UNC13C: variants seen among roughly 807,000 people sequenced by gnomAD.
UNC13C encodes the protein protein unc-13 homolog C.
UNC13C carries 174 observed loss-of-function variants against 245.4 expected under a neutral mutation model. That is an observed-to-expected ratio of 0.71 (90% CI 0.63 to 0.80). The LOEUF (loss-of-function observed/expected upper bound fraction) is 0.80, where lower values mean the gene tolerates loss of function less well. Ranked by LOEUF, UNC13C falls within the 30% of genes least tolerant of loss-of-function variation. The probability of loss-of-function intolerance (pLI) is 0.00; values close to 1 mark genes in which losing one functional copy is unlikely to be tolerated. For synonymous variants in UNC13C, 992 were observed against 895.1 expected, an observed-to-expected ratio of 1.11 and a Z score of -1.93; for missense variants, 2,829 against 2,602.9, an observed-to-expected ratio of 1.09 and a Z score of -1.89.
chr15:54,068,966 TA>T (rs1898196429), intron 2 of UNC13C, among the ~76,000 whole-genome samples: 1 of 152,190 alleles, frequency 6.6e-6, no homozygotes, highest in East Asian at 1.9e-4. Flanking sequence ...TAAGTCATAT[TA>T]AAAAGTTCAT....
Position 54,143,697 on chromosome 15 carries a change from A to G in UNC13C, c.3071+13A>G, listed in dbSNP as rs2032130453. 1 of 1,608,444 alleles carries G rather than the reference A, an allele frequency of 6.2e-7. No individual in the cohort carries two copies. The highest frequency in any genetic ancestry group is 1.1e-5 in the South Asian group (1 of 90,694). On this transcript the variant is annotated intron_variant, in intron 4 of 32. Transcript: ENST00000260323. ...AGGTGTGTGGTGGGTAAGTACCTTCATACCTTTCTAATTTATTCCATTCAT... is the reference window on the plus strand; with the variant it reads ...AGGTGTGTGGTGGGTAAGTACCTTCGTACCTTTCTAATTTATTCCATTCAT...
chr15:54,618,891 AC>A (rs1370256487), intron 30 of UNC13C, among the ~76,000 whole-genome samples: 3 of 152,172 alleles, frequency 2.0e-5, no homozygotes, highest in African/African-American at 7.2e-5. Context: ...TTCCACTGTG[AC>A]TTTTAAAGAC....
At chr15:53,905,687 C>T in the UNC13C span, among the ~76,000 whole-genome samples, 1 of 152,024 alleles carries the variant, frequency 6.6e-6, no homozygotes, top group Non-Finnish European at 1.5e-5. Flanking sequence ...TGAGTAAGTT[C>T]TGGAGCTCTA....
chr15:54,079,545 T>C (rs1166732790), intron 2 of UNC13C, among the ~76,000 whole-genome samples: 3 of 152,110 alleles, frequency 2.0e-5, no homozygotes, highest in East Asian at 3.9e-4. Context: ...GATGTATTCC[T>C]GGGTATTTTA....
intron 17 of UNC13C, among the ~76,000 whole-genome samples, chr15:54,385,607 A>G (rs994005329): frequency 9.9e-5 from 15 of 152,108 alleles, no homozygotes; most frequent in African/African-American, 3.1e-4. Context: ...ATAAAAATAT[A>G]GTTAGATACA....
At chr15:53,903,041 G>T in the UNC13C span, among the ~76,000 whole-genome samples, 10 of 152,136 alleles carry the variant, frequency 6.6e-5, no homozygotes, top group Admixed American at 2.0e-4. Flanking sequence ...TTTGGATTTT[G>T]ATCCTGTTTG....
At chr15:53,861,860 A>G in the UNC13C span, among the ~76,000 whole-genome samples, 1 of 152,116 alleles carries the variant, frequency 6.6e-6, no homozygotes, top group Non-Finnish European at 1.5e-5. Flanking sequence ...GTTTTGTATT[A>G]GTTGAAGTTC....
intron 4 of UNC13C, among the ~76,000 whole-genome samples, chr15:54,223,393 A>T (rs2035284850): frequency 6.6e-6 from 1 of 151,980 alleles, no homozygotes; most frequent in African/African-American, 2.4e-5. Flanking sequence ...TTGAAAATGA[A>T]TTCACTGTTG....
intron 30 of UNC13C, among the ~76,000 whole-genome samples, chr15:54,587,351 AT>A (rs1318205890): frequency 1.3e-5 from 2 of 152,220 alleles, no homozygotes; most frequent in African/African-American, 4.8e-5. Flanking sequence ...AAGCTTCTTC[AT>A]ATGTGCTCAG....
At chr15:54,623,630 G>T (rs1373700130) in intron 31 of UNC13C, among the ~76,000 whole-genome samples, 165 bp from the exon 32 acceptor site, 3 of 152,180 alleles carry the variant, frequency 2.0e-5, no homozygotes, top group Non-Finnish European at 2.9e-5. Context: ...TCCATCAGGT[G>T]TGCCTTCCAG....
At chr15:54,268,385 C>G (rs1007319188) in intron 10 of UNC13C, among the ~76,000 whole-genome samples, 2 of 152,074 alleles carry the variant, frequency 1.3e-5, no homozygotes, top group South Asian at 2.1e-4. Flanking sequence ...ATGTCCTTCC[C>G]TACCAATTCT....
chr15:54,627,318 G>A lies in UNC13C; in HGVS notation c.*205G>A. On this transcript the variant is annotated 3_prime_UTR_variant, in exon 33 of 33. Coordinates refer to ENST00000260323, the MANE Select transcript of UNC13C (RefSeq NM_001080534.3). ...GTGTTCCATGAAGTGCCAAAATTAT[G>A]ATGTAAAGTGAAATATCAAGAACAC... 1 of 448,164 alleles carries A rather than the reference G, an allele frequency of 2.2e-6. No individual in the cohort carries two copies. 27.8% of individuals were successfully genotyped at this position (448,164 alleles called of 1,614,324 possible).
At chr15:54,605,280 A>G (rs1899705598) in intron 30 of UNC13C, among the ~76,000 whole-genome samples, 1 of 152,220 alleles carries the variant, frequency 6.6e-6, no homozygotes, top group Non-Finnish European at 1.5e-5. Flanking sequence ...AGTGCCATGT[A>G]GAATCACTGA....
At chr15:53,854,881 T>G in the UNC13C span, among the ~76,000 whole-genome samples, 23 of 152,332 alleles carry the variant, frequency 1.5e-4, no homozygotes, top group African/African-American at 5.1e-4. Context: ...TAAATTACTT[T>G]GGGTAGTATG....
chr15:53,980,314 C>A (rs905056371), intron 1 of UNC13C, among the ~76,000 whole-genome samples: 15 of 152,056 alleles, frequency 9.9e-5, no homozygotes, highest in African/African-American at 3.6e-4. Context: ...TAAGTATAGG[C>A]AATTCTTGAT....
intron 2 of UNC13C, among the ~76,000 whole-genome samples, chr15:54,124,406 T>A (rs1212160233): frequency 3.3e-5 from 5 of 152,232 alleles, no homozygotes; most frequent in African/African-American, 1.2e-4. Context: ...ATATTGATTA[T>A]CCTTTCATAA....
intron 17 of UNC13C, among the ~76,000 whole-genome samples, chr15:54,356,885 A>G (rs1483324349): frequency 6.6e-6 from 1 of 152,178 alleles, no homozygotes; most frequent in Non-Finnish European, 1.5e-5. Flanking sequence ...ATATTTGTAT[A>G]TTAAAAAGGC....
At chr15:54,453,533 G>A (rs1891299329) in intron 19 of UNC13C, among the ~76,000 whole-genome samples, 1 of 152,158 alleles carries the variant, frequency 6.6e-6, no homozygotes, top group Admixed American at 6.5e-5. Context: ...TAATCAGGTT[G>A]TTAGATTTTT....
chr15:54,455,667 T>G (rs553340945), intron 19 of UNC13C, among the ~76,000 whole-genome samples: 1 of 152,150 alleles, frequency 6.6e-6, no homozygotes, highest in South Asian at 2.1e-4. Context: ...TTTTGAGAAT[T>G]GTCTATTCAT....
Sources: allele counts gnomAD v4.1 joint callset (sites outside exome capture counted in the v4.1 genomes callset), GRCh38; gene constraint gnomAD v4.1.1; transcripts MANE v1.5; gene names NCBI Gene and HGNC (gene_info 2026-07-23, HGNC 2026-07-21).